The following KCNIP3 variants were observed in gnomAD, a reference collection of about 807,000 sequenced individuals.
KCNIP3 encodes calsenilin.
Under a neutral mutation model 35.0 loss-of-function variants are expected in KCNIP3, and 28 were observed. The observed-to-expected ratio is 0.80, with a 90% CI of 0.59 to 1.10. The LOEUF is 1.10. Ranked by LOEUF, KCNIP3 falls within the 50% of genes least tolerant of loss-of-function variation. KCNIP3 has a pLI of 0.00. For synonymous variants in KCNIP3, 134 were observed against 133.8 expected (o/e 1.00, Z -0.01); for missense variants, 295 against 338.4 (o/e 0.87, Z 1.01).
chr2:95,312,770 T>C (rs1225892309), intron 2 of KCNIP3: 1 of 152,030 alleles, frequency 6.6e-6, no homozygotes, highest in Non-Finnish European at 1.5e-5. Context: ...AGCTCCACGG[T>C]GCCCACCCTG....
intron 2 of KCNIP3, among the ~76,000 whole-genome samples, chr2:95,317,461 G>C (rs1678485452): frequency 6.6e-6 from 1 of 152,158 alleles, no homozygotes; most frequent in Non-Finnish European, 1.5e-5. Flanking sequence ...CAGGGGCAGG[G>C]GCTACCTGAG....
intron 2 of KCNIP3, among the ~76,000 whole-genome samples, chr2:95,339,702 G>A (rs1181315549): frequency 6.6e-6 from 1 of 152,106 alleles, no homozygotes; most frequent in Non-Finnish European, 1.5e-5. Flanking sequence ...AAAAGCAATT[G>A]GCTTTTCCAA....
In KCNIP3 at chr2:95,382,143, T is replaced by C. The variant is rs1680363531; in HGVS notation, c.556-234T>C. Among the ~76,000 whole-genome samples the C allele has an allele frequency of 6.6e-6, 1 of 152,164 alleles. No individual in the cohort carries two copies. Among genetic ancestry groups the C allele is most frequent in the East Asian group, 1.9e-4 (1 of 5,180 alleles). On this transcript the variant is annotated intron_variant, in intron 6 of 8. Transcript: ENST00000295225. The surrounding 1 kb of genome is among the most constrained non-coding windows in gnomAD (Gnocchi z 4.5). Reference sequence around the variant, plus strand: ...CTTTTTCTGCTGCCGCGTCACATTTTGGAGATAAGCACATAGCAATCCATC... The same window carrying C: ...CTTTTTCTGCTGCCGCGTCACATTTCGGAGATAAGCACATAGCAATCCATC...
In KCNIP3 at chr2:95,328,747, G is replaced by A. The variant is rs539502609; in HGVS notation, c.181+18227G>A. ...CTGACCGCCAGGGAGCCTGGCCTGA[G>A]CAGGCATTGCTCCCCAGTACCAGAC... is the stretch of plus-strand genomic sequence containing the variant. On this transcript the variant is annotated intron_variant, in intron 2 of 8. Transcript: ENST00000295225. 2.0e-5 allele frequency among the ~76,000 whole-genome samples: 3 copies of A among 152,378 alleles called. No homozygotes were observed. In the East Asian group the frequency reaches 5.8e-4, roughly 29 times the overall value.
chr2:95,299,831 G>T (rs1677976006), intron 1 of KCNIP3, among the ~76,000 whole-genome samples: 1 of 152,238 alleles, frequency 6.6e-6, no homozygotes, highest in Non-Finnish European at 1.5e-5. Context: ...CAGCCCTCCA[G>T]GTAGAGCCCA....
chr2:95,375,404 G>A (rs1436113509), intron 5 of KCNIP3, among the ~76,000 whole-genome samples, 196 bp downstream of exon 5: 2 of 151,916 alleles, frequency 1.3e-5, no homozygotes, highest in African/African-American at 2.4e-5. Context: ...TTGCTGGGCC[G>A]GCACCACGTT....
intron 2 of KCNIP3, among the ~76,000 whole-genome samples, chr2:95,337,497 G>A (rs977955634): frequency 6.6e-6 from 1 of 152,180 alleles, no homozygotes; most frequent in Admixed American, 6.5e-5. Context: ...TCTCTTGAGT[G>A]TGTCATTGGG....
chr2:95,306,092 C>T lies in KCNIP3; in HGVS notation c.16-4263C>T, dbSNP rs546435866. On this transcript the variant is annotated intron_variant, in intron 1 of 8. Transcript: ENST00000295225. ...AGACTGTTCTCCAGAGTGGCTAAGG[C>T]GTTTTCCCTTTCCACCGACAATGGA... 6.0e-4 allele frequency among the ~76,000 whole-genome samples: 91 copies of T among 152,284 alleles called. 1 individual carries two copies. In the South Asian group the frequency reaches 7.1e-3, roughly 12 times the overall value.
intron 2 of KCNIP3, among the ~76,000 whole-genome samples, chr2:95,342,851 C>G (rs1173800584): frequency 6.6e-6 from 1 of 152,164 alleles, no homozygotes; most frequent in Non-Finnish European, 1.5e-5. Flanking sequence ...ACTGATTGAG[C>G]CAACCTCCAA....
In KCNIP3 at chr2:95,382,425, AC is replaced by A; in HGVS notation, c.606del (p.Tyr203ThrfsTer27). On this transcript the variant is annotated frameshift_variant, in exon 7 of 9. Transcript: ENST00000295225. LOFTEE classifies it high-confidence loss of function. This position sits in a 1 kb window ranked among gnomAD's most constrained non-coding sequence, Gnocchi z 4.5. ...CATCTATGACATGATGGGCCGCCAC[AC>A]CTACCCCATCCTGCGGGAGGACGCG... ...KSIYDMMGRH[T>X]YPILREDAPA... The A allele has an allele frequency of 6.2e-7, 1 of 1,609,390 alleles. No homozygotes were observed. Among genetic ancestry groups the A allele is most frequent in the East Asian group, 2.2e-5 (1 of 44,458 alleles).
intron 1 of KCNIP3, among the ~76,000 whole-genome samples, chr2:95,310,010 C>T (rs752785199): frequency 5.9e-5 from 9 of 152,254 alleles, no homozygotes; most frequent in East Asian, 1.9e-4. Flanking sequence ...GGATTGGGAT[C>T]GTGATTTCTA....
chr2:95,384,432 C>T lies in KCNIP3; in HGVS notation c.*383C>T, dbSNP rs1053365684. ...GGGTCCAATCTCCGGTGTGAGCCCACCTCGTCCCGTTCTCCATTCTGCTTT... is the reference window on the plus strand; with the variant it reads ...GGGTCCAATCTCCGGTGTGAGCCCATCTCGTCCCGTTCTCCATTCTGCTTT... On this transcript the variant is annotated 3_prime_UTR_variant, in exon 9 of 9. Coordinates refer to ENST00000295225, the MANE Select transcript of KCNIP3 (RefSeq NM_013434.5). 10 of 266,996 alleles carry T rather than the reference C, an allele frequency of 3.7e-5. No individual in the cohort carries two copies. Among genetic ancestry groups the T allele is most frequent in the African/African-American group, 2.0e-4 (9 of 45,824 alleles). 16.5% of individuals were successfully genotyped at this position (266,996 alleles called of 1,614,324 possible). A position where few individuals can be genotyped will look rare whatever the true frequency, so the allele number is the denominator to read the frequency against.
At chr2:95,339,945 A>T (rs1432024059) in intron 2 of KCNIP3, among the ~76,000 whole-genome samples, 1 of 152,120 alleles carries the variant, frequency 6.6e-6, no homozygotes, top group African/African-American at 2.4e-5. Context: ...CCTAACCCCT[A>T]AGATCTGCAT....
chr2:95,329,307 C>G (rs1348772019), intron 2 of KCNIP3, among the ~76,000 whole-genome samples: 1 of 152,220 alleles, frequency 6.6e-6, no homozygotes, highest in Non-Finnish European at 1.5e-5. Context: ...TAAGCTGATC[C>G]TGTACTTCGA....
At chr2:95,316,230 G>GTA (rs1678456647) in intron 2 of KCNIP3, among the ~76,000 whole-genome samples, 1 of 152,250 alleles carries the variant, frequency 6.6e-6, no homozygotes. Flanking sequence ...CCAAGGGGCA[G>GTA]CACTGCTTGT....
chr2:95,305,384 G>GCC (rs1678142041), intron 1 of KCNIP3, among the ~76,000 whole-genome samples: 1 of 152,112 alleles, frequency 6.6e-6, no homozygotes, highest in Admixed American at 6.5e-5. Flanking sequence ...CACAAAGAGG[G>GCC]CCCATGTACA....
chr2:95,307,019 G>A (rs528224010), intron 1 of KCNIP3, among the ~76,000 whole-genome samples: 447 of 152,274 alleles, frequency 2.9e-3, no homozygotes, highest in South Asian at 0.013. Context: ...TCCCAGGCTC[G>A]GCTGCTGGGG....
intron 2 of KCNIP3, among the ~76,000 whole-genome samples, chr2:95,360,471 GCTCTTCCAGA>G (rs2104284868): frequency 6.6e-6 from 1 of 152,228 alleles, no homozygotes; most frequent in South Asian, 2.1e-4. Flanking sequence ...TTTCTAGTCT[GCTCTTCCAGA>G]CTCTTCCAGC....
At chr2:95,360,445 C>A (rs1432753994) in intron 2 of KCNIP3, among the ~76,000 whole-genome samples, 1 of 152,218 alleles carries the variant, frequency 6.6e-6, no homozygotes, top group Non-Finnish European at 1.5e-5. Context: ...ATGTTCTGTT[C>A]ATGGCGACAG....
Sources: allele counts gnomAD v4.1 joint callset (sites outside exome capture counted in the v4.1 genomes callset), GRCh38; gene constraint gnomAD v4.1.1; non-coding constraint Gnocchi (gnomAD v3.1); transcripts MANE v1.5; gene names NCBI Gene and HGNC (gene_info 2026-07-23, HGNC 2026-07-21).